The following SRGAP3 variants were observed in gnomAD, a reference collection of about 807,000 sequenced individuals.
The protein encoded by SRGAP3 is SLIT-ROBO Rho GTPase-activating protein 3.
SRGAP3 carries 39 observed loss-of-function variants against 121.1 expected under a neutral mutation model. That is an observed-to-expected ratio of 0.32 (90% CI 0.25 to 0.42). The LOEUF is 0.42. Among genes scored for constraint, SRGAP3 ranks in the 10% least tolerant of loss-of-function variants. The probability of loss-of-function intolerance (pLI) is 1.00; values close to 1 mark genes in which losing one functional copy is unlikely to be tolerated. For synonymous variants in SRGAP3, 601 were observed against 570.0 expected (o/e 1.05, Z -0.77); for missense variants, 1,213 against 1,470.6 (o/e 0.82, Z 2.86).
chr3:9,015,876 T>C lies in SRGAP3; in HGVS notation c.1679-145A>G, dbSNP rs561681075. On this transcript the variant is annotated intron_variant, in intron 14 of 21. Coordinates refer to ENST00000383836, the MANE Select transcript of SRGAP3 (RefSeq NM_014850.4). Reference sequence around the variant, plus strand: ...CTCCCCCACATATGAGGCCCCCCACTTCAGCAAGTTTAAAGTTCTCCCTGC... The same window carrying C: ...CTCCCCCACATATGAGGCCCCCCACCTCAGCAAGTTTAAAGTTCTCCCTGC... 18 of 839,536 alleles carry C rather than the reference T, an allele frequency of 2.1e-5. No homozygotes were observed. The Admixed American group carries it at 2.5e-4, about 12-fold the overall frequency. 52.0% of individuals were successfully genotyped at this position (839,536 alleles called of 1,614,324 possible). A position where few individuals can be genotyped will look rare whatever the true frequency, so the allele number is the denominator to read the frequency against.
At chr3:9,197,071 C>A (rs1951940656) in intron 1 of SRGAP3, among the ~76,000 whole-genome samples, 1 of 152,200 alleles carries the variant, frequency 6.6e-6, no homozygotes, top group Non-Finnish European at 1.5e-5. Flanking sequence ...GAAAAGCCAC[C>A]TTCCCTTTTA....
At chr3:9,254,372 T>C (rs1412679920), upstream of SRGAP3, among the ~76,000 whole-genome samples, 1 of 152,200 alleles carries the variant, frequency 6.6e-6, no homozygotes, top group African/African-American at 2.4e-5. Context: ...ATATGAAATA[T>C]CCAGAATAGA....
intron 1 of SRGAP3, among the ~76,000 whole-genome samples, chr3:9,339,236 GCATTCATA>G (rs1955741950): frequency 6.6e-6 from 1 of 152,198 alleles, no homozygotes; most frequent in Non-Finnish European, 1.5e-5. Context: ...ATTTGTTTAT[GCATTCATA>G]CATACCTTCA....
At chr3:9,182,990 TTG>T (rs1412110902) in intron 1 of SRGAP3, among the ~76,000 whole-genome samples, 1 of 152,082 alleles carries the variant, frequency 6.6e-6, no homozygotes. Flanking sequence ...AAAGTCCTTT[TTG>T]TTGTGTGAAA....
chr3:9,248,742 C>G, intron 1 of SRGAP3, 143 bp downstream of exon 1: 1 of 867,986 alleles, frequency 1.2e-6, no homozygotes, highest in South Asian at 1.4e-5. Context: ...GCGGCTGCCA[C>G]TGTTACTCCT....
intron 3 of SRGAP3, among the ~76,000 whole-genome samples, chr3:9,276,359 C>T (rs764724522): frequency 3.3e-5 from 5 of 151,992 alleles, no homozygotes; most frequent in Non-Finnish European, 5.9e-5. Context: ...CTTGCTGGAC[C>T]CTCCTTCATT....
intron 6 of SRGAP3, chr3:9,059,787 C>T (rs1179794251): frequency 3.9e-5 from 11 of 281,358 alleles, no homozygotes; most frequent in East Asian, 8.6e-5. Flanking sequence ...CTGTCTCATT[C>T]GCTACTTTCT....
rs1405331800 is a variant in SRGAP3, at chr3:9,239,023, G to C, written c.67+9862C>G. Among the ~76,000 whole-genome samples, 1 of 152,188 alleles carries C rather than the reference G, an allele frequency of 6.6e-6. No homozygotes were observed. Among genetic ancestry groups the C allele is most frequent in the African/African-American group, 2.4e-5 (1 of 41,448 alleles). On this transcript the variant is annotated intron_variant, in intron 1 of 21. Transcript: ENST00000383836. The surrounding 1 kb of genome is among the most constrained non-coding windows in gnomAD (Gnocchi z 4.0). ...TGCTGCCTAAGTCCCCCTGGATCTT[G>C]GAGCACAACCCTGGAGGGAAACCCC...
At position 9,184,157 on chromosome 3, in the gene SRGAP3, G is replaced by A. The variant is rs545553335; in HGVS notation, c.68-59240C>T. 1.2e-4 allele frequency among the ~76,000 whole-genome samples: 19 copies of A among 152,232 alleles called. No individual in the cohort carries two copies. The South Asian group carries it at 2.1e-3, about 17-fold the overall frequency. On this transcript the variant is annotated intron_variant, in intron 1 of 21. Transcript: ENST00000383836. The stretch of plus-strand genomic sequence containing the variant: ...GTGTCTCTGCATTGCCCACACCCTC[G>A]ACTTCCTCCCATTTCAATCAATTAA...
At chr3:9,103,014 AT>A (rs1198991750) in intron 3 of SRGAP3, among the ~76,000 whole-genome samples, 5 of 151,696 alleles carry the variant, frequency 3.3e-5, no homozygotes, top group African/African-American at 1.2e-4. Flanking sequence ...GCACTGTGTA[AT>A]TTTTTTTTCT....
chr3:9,326,628 CA>C (rs1188254630), intron 2 of SRGAP3, among the ~76,000 whole-genome samples: 1 of 151,664 alleles, frequency 6.6e-6, no homozygotes. Context: ...GTTGCTTCTC[CA>C]ATTTAGGTGC....
At chr3:9,035,652 G>C (rs967336245) in intron 11 of SRGAP3, 2 of 175,696 alleles carry the variant, frequency 1.1e-5, no homozygotes, top group Non-Finnish European at 2.5e-5. Flanking sequence ...AACAGGAACA[G>C]AGAAAGCCAC....
intron 1 of SRGAP3, among the ~76,000 whole-genome samples, chr3:9,335,503 T>G (rs1225541241): frequency 1.3e-5 from 2 of 152,188 alleles, no homozygotes; most frequent in African/African-American, 4.8e-5. Flanking sequence ...TTCTGTCCAT[T>G]CTATTAGGTT....
intron 1 of SRGAP3, among the ~76,000 whole-genome samples, chr3:9,204,530 G>A (rs530564493): frequency 3.9e-5 from 6 of 152,366 alleles, no homozygotes; most frequent in African/African-American, 1.2e-4. Flanking sequence ...AGATAAAATG[G>A]AGGAGGGAGG....
chr3:9,185,537 CT>C (rs545920222), intron 1 of SRGAP3, among the ~76,000 whole-genome samples: 166 of 144,636 alleles, frequency 1.1e-3, no homozygotes, highest in Non-Finnish European at 9.5e-4. Context: ...TTCCTTATTT[CT>C]TTTTTTTTTT....
chr3:9,150,304 GA>G (rs894544007), intron 1 of SRGAP3, among the ~76,000 whole-genome samples: 1 of 151,964 alleles, frequency 6.6e-6, no homozygotes, highest in Non-Finnish European at 1.5e-5. Context: ...AAGGCTGGAG[GA>G]GGCAAGTGAC....
intron 1 of SRGAP3, among the ~76,000 whole-genome samples, chr3:9,351,097 C>A (rs929787194): frequency 6.6e-6 from 1 of 151,822 alleles, no homozygotes; most frequent in African/African-American, 2.4e-5. Flanking sequence ...AAGAGCAGTC[C>A]AAGAGAGGAA....
At chr3:9,304,274 GTTC>G (rs1955120383) in intron 3 of SRGAP3, among the ~76,000 whole-genome samples, 1 of 152,156 alleles carries the variant, frequency 6.6e-6, no homozygotes, top group Admixed American at 6.5e-5. Flanking sequence ...TGAAAGCTCT[GTTC>G]TTCTTCATGC....
At chr3:8,999,662 T>C (rs666743) in intron 18 of SRGAP3, among the ~76,000 whole-genome samples, 124,193 of 152,180 alleles carry the variant, frequency 0.82, 51,474 homozygotes, top group African/African-American at 0.94. Context: ...CTCCGTCATC[T>C]TCCCTGTGAT....
Sources: gnomAD v4.1 joint callset for allele counts (sites outside exome capture counted in the v4.1 genomes callset) on GRCh38, gnomAD v4.1.1 for gene constraint, Gnocchi (gnomAD v3.1) non-coding constraint, MANE v1.5 for transcripts, NCBI Gene and HGNC (gene_info 2026-07-23, HGNC 2026-07-21) for gene names.